The following PLCG2 variants were observed in gnomAD, a reference collection of about 807,000 sequenced individuals.
PLCG2 encodes the protein phospholipase C gamma 2, also known as 1-phosphatidylinositol 4,5-bisphosphate phosphodiesterase gamma-2.
Under a neutral mutation model 175.6 loss-of-function variants are expected in PLCG2, and 69 were observed. The observed-to-expected ratio is 0.39, with a 90% CI of 0.32 to 0.48. The LOEUF is 0.48. PLCG2 is among the 20% of genes least tolerant of loss of function. PLCG2 has a pLI of 0.91. For missense variants in PLCG2, 1,798 were observed against 1,650.9 expected (o/e 1.09, Z -1.54); for synonymous variants, 827 against 624.0 (o/e 1.33, Z -4.85).
chr16:81,883,615 G>C (rs1373997442), intron 9 of PLCG2: 4 of 496,490 alleles, frequency 8.1e-6, no homozygotes, highest in African/African-American at 7.8e-5. Context: ...TGAGAAGATG[G>C]CAGGGCAGGA....
At chr16:81,805,767 G>GTTTTTTTTTTTTTTTTTTTTTTT (rs766609754) in intron 2 of PLCG2, among the ~76,000 whole-genome samples, 2 of 39,520 alleles carry the variant, frequency 5.1e-5, no homozygotes, top group Non-Finnish European at 1.1e-4. Context: ...GTTTTGTTTT[G>GTTTTTTTTTTTTTTTTTTTTTTT]TTTTTTTTTT....
At chr16:81,870,488 G>A (rs958620529) in intron 6 of PLCG2, among the ~76,000 whole-genome samples, 3 of 152,172 alleles carry the variant, frequency 2.0e-5, no homozygotes, top group East Asian at 1.9e-4. Context: ...GAGGAGTTAC[G>A]CATCATGTCT....
intron 3 of PLCG2, chr16:81,857,961 C>T (rs973184884): frequency 8.3e-6 from 3 of 359,554 alleles, no homozygotes; most frequent in African/African-American, 6.0e-5. Flanking sequence ...ATGATGTTAA[C>T]AATGTCATAG....
intron 12 of PLCG2, among the ~76,000 whole-genome samples, chr16:81,894,739 G>A (rs1908801014): frequency 2.0e-5 from 3 of 152,028 alleles, no homozygotes; most frequent in Admixed American, 2.0e-4. Flanking sequence ...CAGGCGTGGT[G>A]GTGCACATCT....
chr16:81,887,691 C>G (rs1342086593), intron 9 of PLCG2, among the ~76,000 whole-genome samples: 1 of 152,182 alleles, frequency 6.6e-6, no homozygotes, highest in African/African-American at 2.4e-5. Context: ...TAAGCACACA[C>G]ACATCTGGTC....
chr16:81,867,288 C>G (rs1408025325), intron 5 of PLCG2, among the ~76,000 whole-genome samples: 1 of 152,216 alleles, frequency 6.6e-6, no homozygotes, highest in East Asian at 1.9e-4. Context: ...CCTCTCTTGA[C>G]CACTCTGTCT....
intron 2 of PLCG2, among the ~76,000 whole-genome samples, chr16:81,789,726 T>G (rs988221688): frequency 6.6e-6 from 1 of 152,162 alleles, no homozygotes; most frequent in Non-Finnish European, 1.5e-5. Context: ...GTCTGGTAAC[T>G]AGGCAGGTTT....
intron 2 of PLCG2, among the ~76,000 whole-genome samples, chr16:81,792,103 C>T (rs12598745): frequency 0.98 from 148,862 of 152,278 alleles, 72,846 homozygotes; most frequent in East Asian, 1. Context: ...CAAGCTCCCA[C>T]ATGAGCATGT....
rs1008086088 is a variant in PLCG2, at chr16:81,917,404, A to G, written c.2055-2080A>G. On this transcript the variant is annotated intron_variant, in intron 19 of 32. Coordinates refer to ENST00000564138, the MANE Select transcript of PLCG2 (RefSeq NM_002661.5). Reference sequence around the variant, plus strand: ...CATATTGATTTCCTTTCCTTCAGATATATACCGAGAAGTGGGATTGCTAGA... The same window carrying G: ...CATATTGATTTCCTTTCCTTCAGATGTATACCGAGAAGTGGGATTGCTAGA... Among the ~76,000 whole-genome samples the G allele has an allele frequency of 6.6e-5, 10 of 152,094 alleles. 1 individual carries two copies. The highest frequency in any genetic ancestry group is 2.9e-5 in the Non-Finnish European group (2 of 68,016).
At chr16:81,807,307 G>T (rs886698856) in intron 2 of PLCG2, among the ~76,000 whole-genome samples, 1 of 152,208 alleles carries the variant, frequency 6.6e-6, no homozygotes, top group Non-Finnish European at 1.5e-5. Flanking sequence ...AGGCTTGAGG[G>T]ATTGGGGCAG....
chr16:81,744,443 G>A (rs7193762), intron 1 of PLCG2, among the ~76,000 whole-genome samples: 81,407 of 151,400 alleles, frequency 0.54, 23,002 homozygotes, highest in Non-Finnish European at 0.63. Context: ...GATTACAGGC[G>A]TGAGCCACCG....
At chr16:81,919,943 A>C (rs560088463) in intron 20 of PLCG2, among the ~76,000 whole-genome samples, 1 of 152,330 alleles carries the variant, frequency 6.6e-6, no homozygotes, top group African/African-American at 2.4e-5. Flanking sequence ...AAGAGGATAC[A>C]GAGTGATGGG....
intron 32 of PLCG2, 95 bp downstream of exon 32, chr16:81,956,974 G>GT: frequency 9.1e-7 from 1 of 1,094,270 alleles, no homozygotes; most frequent in South Asian, 1.5e-5. Flanking sequence ...AGCCCTCTGA[G>GT]TTGCTTTCTT....
At chr16:81,843,897 C>G (rs1470479334) in intron 2 of PLCG2, among the ~76,000 whole-genome samples, 1 of 152,188 alleles carries the variant, frequency 6.6e-6, no homozygotes. Flanking sequence ...CCATTGCAGA[C>G]AGACACGCCT....
intron 2 of PLCG2, among the ~76,000 whole-genome samples, chr16:81,848,297 G>A (rs1376774180): frequency 6.6e-6 from 1 of 152,210 alleles, no homozygotes; most frequent in Non-Finnish European, 1.5e-5. Flanking sequence ...AGAGAGGGGT[G>A]TTCAGGATGA....
At chr16:81,801,499 G>A (rs952104347) in intron 2 of PLCG2, among the ~76,000 whole-genome samples, 2 of 152,086 alleles carry the variant, frequency 1.3e-5, no homozygotes, top group African/African-American at 4.8e-5. Flanking sequence ...TCACTCAACA[G>A]TACAGCACGA....
intron 2 of PLCG2, among the ~76,000 whole-genome samples, chr16:81,788,457 T>G (rs1381405338): frequency 6.6e-6 from 1 of 152,124 alleles, no homozygotes; most frequent in East Asian, 1.9e-4. Context: ...ATTTTTTGTA[T>G]TTTTAGTAGA....
chr16:81,908,367 G>A, intron 16 of PLCG2, 49 bp from the exon 17 acceptor site: 3 of 1,541,874 alleles, frequency 1.9e-6, no homozygotes, highest in Non-Finnish European at 1.8e-6. Context: ...TAGTGATGCT[G>A]GGGTTTGGTC....
At chr16:81,818,578 G>T (rs888699737) in intron 2 of PLCG2, among the ~76,000 whole-genome samples, 2 of 152,104 alleles carry the variant, frequency 1.3e-5, no homozygotes, top group South Asian at 2.1e-4. Flanking sequence ...TTATCTGCTT[G>T]GTGGGGGCTG....
Sources: gnomAD v4.1 joint callset for allele counts (sites outside exome capture counted in the v4.1 genomes callset) on GRCh38, gnomAD v4.1.1 for gene constraint, MANE v1.5 for transcripts, NCBI Gene and HGNC (gene_info 2026-07-23, HGNC 2026-07-21) for gene names.